The following EPHB2 variants were observed in gnomAD, a reference collection of about 807,000 sequenced individuals.
The protein encoded by EPHB2 is EPH receptor B2, also known as ephrin type-B receptor 2.
Under a neutral mutation model 96.4 loss-of-function variants are expected in EPHB2, and 18 were observed. That is an observed-to-expected ratio of 0.19 (90% CI 0.13 to 0.28). The LOEUF (loss-of-function observed/expected upper bound fraction) is 0.28. Among genes scored for constraint, EPHB2 ranks in the 10% least tolerant of loss-of-function variants. The pLI is 1.00. For missense variants in EPHB2, 989 were observed against 1,355.4 expected (o/e 0.73, Z 4.25); for synonymous variants, 506 against 534.1 (o/e 0.95, Z 0.72).
rs757778459 is a variant in EPHB2 at position 22,785,066 on chromosome 1, C to T, written c.801C>T (p.Thr267=). 1.1e-5 allele frequency: 18 copies of T among 1,613,396 alleles called. No homozygotes were observed. The highest frequency in any genetic ancestry group is 1.7e-5 in the Admixed American group (1 of 60,010). Residue 267 remains threonine (T), a synonymous_variant, in exon 3 of 16, where the codon ACC becomes ACT. Coordinates refer to ENST00000374630, the MANE Select transcript of EPHB2 (RefSeq NM_017449.5). ...GCTTCGAGGCCGTTGAGAATGGCACCGTCTGCCGAGGTAAGGGCCAGGGTG... is the reference window on the plus strand; with the variant it reads ...GCTTCGAGGCCGTTGAGAATGGCACTGTCTGCCGAGGTAAGGGCCAGGGTG... ...KAGFEAVENG[T]VCRGCPSGTF...
chr1:22,785,395 A>G (rs1644597186), intron 3 of EPHB2, among the ~76,000 whole-genome samples: 1 of 152,260 alleles, frequency 6.6e-6, no homozygotes, highest in Admixed American at 6.5e-5. Context: ...TACAAAGGTG[A>G]TATGGTTCCC....
chr1:22,830,162 A>G (rs1056869874), intron 3 of EPHB2, among the ~76,000 whole-genome samples: 3 of 152,212 alleles, frequency 2.0e-5, no homozygotes, highest in Non-Finnish European at 4.4e-5. Flanking sequence ...CTGGGCTCCA[A>G]AAATACAGAG....
intron 3 of EPHB2, among the ~76,000 whole-genome samples, chr1:22,861,391 A>G (rs1009346983): frequency 1.3e-5 from 2 of 151,924 alleles, no homozygotes; most frequent in African/African-American, 4.8e-5. Flanking sequence ...TAATCCCAGC[A>G]CTCTGGGAGG....
At chr1:22,717,125 A>G (rs1643314621) in intron 1 of EPHB2, among the ~76,000 whole-genome samples, 4 of 152,236 alleles carry the variant, frequency 2.6e-5, no homozygotes, top group Admixed American at 2.6e-4. Flanking sequence ...AAATGAAGTG[A>G]AATCAATCAG....
At chr1:22,818,210 T>C (rs1466090323) in intron 3 of EPHB2, among the ~76,000 whole-genome samples, 6 of 152,068 alleles carry the variant, frequency 3.9e-5, no homozygotes, top group African/African-American at 1.4e-4. Context: ...AAGCTCAGTG[T>C]ACCTGGCCAG....
At chr1:22,908,637 G>A (rs553445637) in intron 12 of EPHB2, among the ~76,000 whole-genome samples, 1 of 152,314 alleles carries the variant, frequency 6.6e-6, no homozygotes, top group African/African-American at 2.4e-5. Context: ...GTTGTTGAAG[G>A]TTTAAACTGA....
rs1193321204 is a variant in EPHB2 at position 22,846,487 on chromosome 1, C to T, written c.812-16550C>T. 6.6e-6 allele frequency among the ~76,000 whole-genome samples: 1 copy of T among 151,908 alleles called. No homozygotes were observed. Among genetic ancestry groups the T allele is most frequent in the Non-Finnish European group, 1.5e-5 (1 of 68,008 alleles). On this transcript the variant is annotated intron_variant, in intron 3 of 15. Transcript: ENST00000374630. This position sits in a 1 kb window ranked among gnomAD's most constrained non-coding sequence, Gnocchi z 4.3. ...CGGGCAGACTTCTTCCTGATTTCTC[C>T]AGAGGTTCACAGACCGCCCTGCCAA...
rs754035581 is a variant in EPHB2, at chr1:22,865,172, G to A, written c.1263G>A (p.Ser421=). 18 of 1,614,154 alleles carry A rather than the reference G, an allele frequency of 1.1e-5. No homozygotes were observed. Among genetic ancestry groups the A allele is most frequent in the Middle Eastern group, 1.6e-4 (1 of 6,062 alleles). The stretch of plus-strand genomic sequence containing the variant: ...GCGTTACTGACCAGAGCCCCTTCTC[G>A]CCTCAGTTCGCCTCTGTGAACATCA... The part of the protein sequence containing the change: ...VNGVTDQSPF[S]PQFASVNITT... The change falls in exon 5 of 16, where the codon TCG becomes TCA. Residue 421 remains serine (S), a synonymous_variant. Transcript: ENST00000374630.
At chr1:22,814,587 C>T (rs1645046490) in intron 3 of EPHB2, among the ~76,000 whole-genome samples, 1 of 152,226 alleles carries the variant, frequency 6.6e-6, no homozygotes. Flanking sequence ...GTAGTCTCCT[C>T]ATGCCCACTT....
chr1:22,917,691 C>G lies in EPHB2; in HGVS notation c.*4121C>G, dbSNP rs1454022677. On this transcript the variant is annotated 3_prime_UTR_variant, in exon 16 of 16. Transcript: ENST00000374630. ...AACTGAGGCTCAGGGGGATGAAGTA[C>G]TTTGCTCAGGGTAACACAGCCAGGA... 1.3e-5 allele frequency: 2 copies of G among 152,450 alleles called. No homozygotes were observed. Among genetic ancestry groups the G allele is most frequent in the Non-Finnish European group, 2.9e-5 (2 of 68,254 alleles). The allele number at this position is 152,450 out of a possible 1,614,324, so 9.4% of individuals were successfully genotyped here.
rs570896444 is a variant in EPHB2 at position 22,781,850 on chromosome 1, T to G, written c.126+365T>G. ...GTATTAAGTACCTTTATACACATCA[T>G]CTCTGATCCCATGGAGAGGAATTAT... is the stretch of plus-strand genomic sequence containing the variant. On this transcript the variant is annotated intron_variant, in intron 2 of 15. Transcript: ENST00000374630. 1.5e-4 allele frequency among the ~76,000 whole-genome samples: 23 copies of G among 152,300 alleles called. No homozygotes were observed. The South Asian group carries it at 1.9e-3, about 12-fold the overall frequency.
intron 5 of EPHB2, among the ~76,000 whole-genome samples, chr1:22,873,026 A>C (rs1439044776): frequency 6.6e-6 from 1 of 152,222 alleles, no homozygotes; most frequent in African/African-American, 2.4e-5. Context: ...GCTGACCTAG[A>C]GTATCATTTA....
At chr1:22,769,542 G>A (rs187623559) in intron 1 of EPHB2, among the ~76,000 whole-genome samples, 1 of 152,184 alleles carries the variant, frequency 6.6e-6, no homozygotes, top group East Asian at 1.9e-4. Context: ...CAAGTAGCTG[G>A]GATTACAGAC....
intron 3 of EPHB2, among the ~76,000 whole-genome samples, chr1:22,855,954 G>GA (rs1645691921): frequency 6.6e-6 from 1 of 152,112 alleles, no homozygotes; most frequent in African/African-American, 2.4e-5. Context: ...TGGGGAGTAG[G>GA]AACTCAACCC....
At chr1:22,743,869 C>T (rs980732078) in intron 1 of EPHB2, among the ~76,000 whole-genome samples, 2 of 152,232 alleles carry the variant, frequency 1.3e-5, no homozygotes, top group Non-Finnish European at 2.9e-5. Context: ...GTAATGTCAT[C>T]TGCTTCTGGA....
intron 1 of EPHB2, among the ~76,000 whole-genome samples, chr1:22,765,161 C>T (rs556473278): frequency 6.6e-6 from 1 of 152,114 alleles, no homozygotes; most frequent in Admixed American, 6.5e-5. Flanking sequence ...TGACAGGGAG[C>T]CTTGGCCCAG....
At chr1:22,881,858 G>T (rs1639057343) in intron 5 of EPHB2, among the ~76,000 whole-genome samples, 1 of 152,120 alleles carries the variant, frequency 6.6e-6, no homozygotes, top group Admixed American at 6.5e-5. Context: ...CTCCCAAAGT[G>T]CTGGGATTAC....
At chr1:22,744,211 A>G (rs1223770033) in intron 1 of EPHB2, among the ~76,000 whole-genome samples, 2 of 152,156 alleles carry the variant, frequency 1.3e-5, no homozygotes, top group South Asian at 2.1e-4. Flanking sequence ...AGCTGTTTCT[A>G]ATAAAATTGA....
chr1:22,812,778 G>A (rs1330858875), intron 3 of EPHB2, among the ~76,000 whole-genome samples: 1 of 152,230 alleles, frequency 6.6e-6, no homozygotes, highest in Non-Finnish European at 1.5e-5. Context: ...TGGCATTGCT[G>A]TTCATCGTGG....
Sources: allele counts gnomAD v4.1 joint callset (sites outside exome capture counted in the v4.1 genomes callset), GRCh38; gene constraint gnomAD v4.1.1; non-coding constraint Gnocchi (gnomAD v3.1); transcripts MANE v1.5; gene names NCBI Gene and HGNC (gene_info 2026-07-23, HGNC 2026-07-21).